SORT1: variants seen among roughly 807,000 people sequenced by gnomAD.
SORT1 encodes sortilin.
Under a neutral mutation model 101.7 loss-of-function variants are expected in SORT1, and 39 were observed. The observed-to-expected ratio is 0.38, with a 90% CI of 0.30 to 0.50. The LOEUF is 0.50. Among genes scored for constraint, SORT1 ranks in the 20% least tolerant of loss-of-function variants. The pLI, the probability that SORT1 is intolerant of heterozygous loss-of-function variation, is 0.90. For synonymous variants in SORT1, 396 were observed against 393.7 expected, an observed-to-expected ratio of 1.01 and a Z score of -0.07; for missense variants, 878 against 1,040.4, an observed-to-expected ratio of 0.84 and a Z score of 2.15.
At chr1:109,317,086 G>A (rs113480839) in intron 16 of SORT1, 128 bp from the exon 17 acceptor site, 1 of 650,842 alleles carries the variant, frequency 1.5e-6, no homozygotes, top group Non-Finnish European at 2.7e-6. Context: ...TTCAGGCCTG[G>A]GGGGAATGTC....
At chr1:109,341,161 T>C (rs1649193583) in intron 9 of SORT1, among the ~76,000 whole-genome samples, 1 of 152,172 alleles carries the variant, frequency 6.6e-6, no homozygotes, top group Non-Finnish European at 1.5e-5. Context: ...AGATATATTT[T>C]GGTGGGAGAG....
intron 1 of SORT1, among the ~76,000 whole-genome samples, chr1:109,396,259 GAGA>G (rs1352405127): frequency 2.0e-5 from 3 of 152,176 alleles, no homozygotes; most frequent in Non-Finnish European, 4.4e-5. Flanking sequence ...CAACCAGCGA[GAGA>G]AGAATTTGAA....
intron 1 of SORT1, among the ~76,000 whole-genome samples, chr1:109,371,800 T>A (rs1279566786): frequency 3.9e-5 from 6 of 152,198 alleles, no homozygotes; most frequent in Non-Finnish European, 7.4e-5. Flanking sequence ...AAACTGTGGT[T>A]TTCTACTGCC....
intron 3 of SORT1, among the ~76,000 whole-genome samples, chr1:109,363,916 T>C (rs1004145906): frequency 1.3e-5 from 2 of 152,192 alleles, no homozygotes; most frequent in Admixed American, 6.5e-5. Context: ...TTTGACATGG[T>C]TGACTTGGTT....
At chr1:109,384,334 A>G (rs1652436393) in intron 1 of SORT1, among the ~76,000 whole-genome samples, 1 of 152,200 alleles carries the variant, frequency 6.6e-6, no homozygotes, top group Non-Finnish European at 1.5e-5. Flanking sequence ...GAATTGTCTA[A>G]TATTAGAAAT....
chr1:109,356,254 A>C (rs1557807001), intron 3 of SORT1, among the ~76,000 whole-genome samples: 1 of 152,330 alleles, frequency 6.6e-6, no homozygotes, highest in East Asian at 1.9e-4. Flanking sequence ...GTTGCCAAAC[A>C]TCCTACAAGG....
At chr1:109,373,621 C>A (rs1181074470) in intron 1 of SORT1, among the ~76,000 whole-genome samples, 1 of 152,074 alleles carries the variant, frequency 6.6e-6, no homozygotes, top group Non-Finnish European at 1.5e-5. Flanking sequence ...GAAAAATAAC[C>A]CCAGACTTAA....
intron 1 of SORT1, among the ~76,000 whole-genome samples, chr1:109,385,329 G>A (rs1050528072): frequency 6.6e-6 from 1 of 151,998 alleles, no homozygotes; most frequent in Non-Finnish European, 1.5e-5. Context: ...AGTGACCTAG[G>A]CTCATACTGT....
rs549023917 is a variant in SORT1 at position 109,320,568 on chromosome 1, C to G, written c.2024+2364G>C. The stretch of plus-strand genomic sequence containing the variant: ...TTGATGAGCTGCTTCTTCCCAGATG[C>G]TCATGGTCAAATCCTACCATTTGTC... On this transcript the variant is annotated intron_variant, in intron 15 of 19. Coordinates refer to ENST00000256637, the MANE Select transcript of SORT1 (RefSeq NM_002959.7). Among the ~76,000 whole-genome samples the G allele has an allele frequency of 2.0e-5, 3 of 152,348 alleles. No homozygotes were observed. In the East Asian group the frequency reaches 5.8e-4, roughly 29 times the overall value.
intron 13 of SORT1, among the ~76,000 whole-genome samples, chr1:109,325,967 C>T (rs1448903446): frequency 6.6e-6 from 1 of 151,942 alleles, no homozygotes; most frequent in African/African-American, 2.4e-5. Flanking sequence ...CACCATTGCA[C>T]TCCAGCCTGG....
chr1:109,347,645 A>G, intron 6 of SORT1, 113 bp from the exon 7 acceptor site: 2 of 702,662 alleles, frequency 2.8e-6, no homozygotes, highest in South Asian at 3.3e-5. Context: ...ACAGGCACTG[A>G]CAAGCACCAC....
chr1:109,373,633 G>A (rs530761474), intron 1 of SORT1, among the ~76,000 whole-genome samples: 5 of 152,282 alleles, frequency 3.3e-5, no homozygotes, highest in Admixed American at 2.0e-4. Flanking sequence ...CAGACTTAAC[G>A]CTGTGCCGGT....
intron 11 of SORT1, among the ~76,000 whole-genome samples, chr1:109,329,213 T>G (rs928593112): frequency 1.3e-5 from 2 of 152,126 alleles, no homozygotes; most frequent in Non-Finnish European, 2.9e-5. Context: ...AAAAAAGATA[T>G]TCCACTCAAA....
At chr1:109,321,562 G>C (rs946379279) in intron 15 of SORT1, among the ~76,000 whole-genome samples, 2 of 152,142 alleles carry the variant, frequency 1.3e-5, no homozygotes, top group Non-Finnish European at 2.9e-5. Context: ...AACAGAGAAG[G>C]GAGGACCCTT....
chr1:109,315,223 GATTT>G (rs1229828779), intron 17 of SORT1, among the ~76,000 whole-genome samples: 7 of 152,238 alleles, frequency 4.6e-5, no homozygotes, highest in South Asian at 4.1e-4. Flanking sequence ...ATGACACCAA[GATTT>G]ATTTGTTTAC....
intron 13 of SORT1, among the ~76,000 whole-genome samples, chr1:109,325,911 G>A (rs1647974935): frequency 6.6e-6 from 1 of 152,110 alleles, no homozygotes; most frequent in Non-Finnish European, 1.5e-5. Flanking sequence ...TGAGACGCAA[G>A]AATCATTTGA....
chr1:109,378,764 A>G (rs1455527863), intron 1 of SORT1, among the ~76,000 whole-genome samples: 1 of 95,684 alleles, frequency 1.0e-5, no homozygotes, highest in Admixed American at 1.3e-4. Flanking sequence ...ATATATATAA[A>G]GATGTTATGT....
intron 11 of SORT1, among the ~76,000 whole-genome samples, chr1:109,331,963 A>C (rs1310047305): frequency 2.0e-5 from 3 of 151,626 alleles, no homozygotes; most frequent in African/African-American, 7.3e-5. Flanking sequence ...AACAAAAAAA[A>C]CTTAGGGATA....
chr1:109,318,718 G>A (rs1038188301), intron 15 of SORT1, among the ~76,000 whole-genome samples: 4 of 151,792 alleles, frequency 2.6e-5, no homozygotes, highest in South Asian at 2.1e-4. Flanking sequence ...GGAGTACAGC[G>A]GCATGAACAC....
Sources: allele counts gnomAD v4.1 joint callset (sites outside exome capture counted in the v4.1 genomes callset), GRCh38; gene constraint gnomAD v4.1.1; transcripts MANE v1.5; gene names NCBI Gene and HGNC (gene_info 2026-07-23, HGNC 2026-07-21).